The following GRID2 variants were observed in gnomAD, a reference collection of about 807,000 sequenced individuals.
GRID2 encodes glutamate ionotropic receptor delta type subunit 2, also known as glutamate receptor ionotropic, delta-2.
A neutral mutation model predicts 114.8 loss-of-function variants in GRID2; 33 were observed. That is an observed-to-expected ratio of 0.29 (90% CI 0.22 to 0.38). The LOEUF is 0.38. Ranked by LOEUF, GRID2 falls within the 10% of genes least tolerant of loss-of-function variation. The pLI, the probability that GRID2 is intolerant of heterozygous loss-of-function variation, is 1.00. For synonymous variants in GRID2, 505 were observed against 449.9 expected (o/e 1.12, Z -1.55); for missense variants, 1,184 against 1,257.7 (o/e 0.94, Z 0.89).
chr4:92,450,446 AG>A (rs1241682891), intron 1 of GRID2, among the ~76,000 whole-genome samples: 1 of 152,130 alleles, frequency 6.6e-6, no homozygotes, highest in Non-Finnish European at 1.5e-5. Context: ...AAGGCAAAAA[AG>A]GTCCATTTTT....
intron 2 of GRID2, among the ~76,000 whole-genome samples, chr4:92,973,457 T>C (rs1753653412): frequency 6.6e-6 from 1 of 152,176 alleles, no homozygotes; most frequent in African/African-American, 2.4e-5. Flanking sequence ...AACTCATAAG[T>C]CAGTATTGCT....
chr4:93,086,037 C>T (rs1417025425), intron 3 of GRID2, among the ~76,000 whole-genome samples: 7 of 152,018 alleles, frequency 4.6e-5, no homozygotes, highest in Non-Finnish European at 8.8e-5. Flanking sequence ...ACTGACCGAT[C>T]CCCAATATCT....
At chr4:93,390,024 G>A (rs1048274840) in intron 8 of GRID2, among the ~76,000 whole-genome samples, 3 of 152,046 alleles carry the variant, frequency 2.0e-5, no homozygotes, top group African/African-American at 7.2e-5. Flanking sequence ...CCTGACCTTA[G>A]GTGATCTACC....
At chr4:93,301,921 G>C (rs1196400306) in intron 8 of GRID2, among the ~76,000 whole-genome samples, 1 of 152,072 alleles carries the variant, frequency 6.6e-6, no homozygotes, top group East Asian at 1.9e-4. Context: ...CAAATTTCTT[G>C]AGAGCCACCT....
In GRID2 at chr4:92,887,111, T is replaced by C. The variant is rs1427691059; in HGVS notation, c.245-197884T>C. ...ACAGTACTGTTAATATGGTGTTTTG[T>C]TTTTTTGTTCATATTGTTATCATTA... is the stretch of plus-strand genomic sequence containing the variant. On this transcript the variant is annotated intron_variant, in intron 2 of 15. Coordinates refer to ENST00000282020, the MANE Select transcript of GRID2 (RefSeq NM_001510.4). Among the ~76,000 whole-genome samples, 4 of 152,196 alleles carry C rather than the reference T, an allele frequency of 2.6e-5. No homozygotes were observed. The East Asian group carries it at 7.7e-4, about 29-fold the overall frequency.
intron 11 of GRID2, among the ~76,000 whole-genome samples, chr4:93,466,948 A>C (rs1724337188): frequency 6.6e-6 from 1 of 152,222 alleles, no homozygotes; most frequent in South Asian, 2.1e-4. Flanking sequence ...GTTTCATTGT[A>C]AACTTAAATG....
intron 12 of GRID2, 122 bp downstream of exon 12, chr4:93,490,899 T>G (rs1026098169): frequency 3.1e-6 from 2 of 651,656 alleles, no homozygotes; most frequent in Non-Finnish European, 5.2e-6. Context: ...GAGTAAAGGA[T>G]CAATTTTGTG....
chr4:93,406,446 T>A (rs1195704347), intron 9 of GRID2, among the ~76,000 whole-genome samples: 1 of 152,148 alleles, frequency 6.6e-6, no homozygotes, highest in South Asian at 2.1e-4. Context: ...TTTTGAGATA[T>A]GTTGTAAATT....
chr4:92,717,132 A>C (rs529530896), intron 2 of GRID2, among the ~76,000 whole-genome samples: 1 of 152,266 alleles, frequency 6.6e-6, no homozygotes, highest in African/African-American at 2.4e-5. Flanking sequence ...AGGGGAGGGT[A>C]AAGAGAGGCA....
intron 2 of GRID2, among the ~76,000 whole-genome samples, chr4:93,074,191 A>G (rs1001027160): frequency 1.3e-5 from 2 of 152,234 alleles, no homozygotes; most frequent in Non-Finnish European, 2.9e-5. Context: ...ACACATATCC[A>G]TATCAATTCC....
rs970219243 is a variant in GRID2, at chr4:93,128,041, A to C, written c.735+17088A>C. On this transcript the variant is annotated intron_variant, in intron 4 of 15. Coordinates refer to ENST00000282020, the MANE Select transcript of GRID2 (RefSeq NM_001510.4). ...GTCCCCCGCAACAAAAAAAAAAAAA[A>C]AAAAAAAAAAAAAAAAAACAACAGT... Among the ~76,000 whole-genome samples the C allele has an allele frequency of 3.5e-5, 5 of 142,706 alleles. 1 individual carries two copies. The highest frequency in any genetic ancestry group is 1.1e-4 in the African/African-American group (4 of 37,064). The allele number at this position is 142,706 out of a possible 152,430, so 93.6% of individuals were successfully genotyped here.
At chr4:93,370,425 ACACGCACACACAGG>A (rs1211697020) in intron 8 of GRID2, among the ~76,000 whole-genome samples, 1 of 148,690 alleles carries the variant, frequency 6.7e-6, no homozygotes, top group African/African-American at 2.5e-5. Flanking sequence ...ACACACACAA[ACACGCACACACAGG>A]CACACACACA....
At chr4:93,466,268 AT>A (rs1340437008) in intron 11 of GRID2, among the ~76,000 whole-genome samples, 7 of 152,094 alleles carry the variant, frequency 4.6e-5, no homozygotes, top group Non-Finnish European at 8.8e-5. Flanking sequence ...TTCATTTTTT[AT>A]TTTGATATTC....
chr4:93,365,777 G>T (rs1316291821), intron 8 of GRID2, among the ~76,000 whole-genome samples: 1 of 152,170 alleles, frequency 6.6e-6, no homozygotes, highest in Non-Finnish European at 1.5e-5. Context: ...AGGAAATATT[G>T]TTGCGGGAAG....
intron 1 of GRID2, among the ~76,000 whole-genome samples, chr4:92,349,314 A>G (rs895145525): frequency 6.6e-6 from 1 of 151,968 alleles, no homozygotes; most frequent in African/African-American, 2.4e-5. Context: ...ATACTATCAC[A>G]AAATAATTGA....
At chr4:92,530,735 T>TA (rs143078058) in intron 1 of GRID2, among the ~76,000 whole-genome samples, 6,919 of 126,436 alleles carry the variant, frequency 0.055, 205 homozygotes, top group Middle Eastern at 0.097. Flanking sequence ...CCCCCTCTAC[T>TA]AAAAAAAAAA....
chr4:93,050,438 A>G (rs923067431), intron 2 of GRID2, among the ~76,000 whole-genome samples: 1 of 151,910 alleles, frequency 6.6e-6, no homozygotes, highest in African/African-American at 2.4e-5. Context: ...CTGCTGAAAG[A>G]GAGCACTGAG....
chr4:92,441,375 G>A (rs574474102), intron 1 of GRID2, among the ~76,000 whole-genome samples: 12 of 152,240 alleles, frequency 7.9e-5, no homozygotes, highest in African/African-American at 2.9e-4. Flanking sequence ...CTTGATGGGT[G>A]TCAGGGTCAG....
intron 1 of GRID2, among the ~76,000 whole-genome samples, chr4:92,411,655 G>GTGTGTGTGTATA: frequency 9.4e-5 from 8 of 84,722 alleles, no homozygotes; most frequent in African/African-American, 4.7e-4. Flanking sequence ...GTGTGTGTGT[G>GTGTGTGTGTATA]TATATATATA....
Sources: allele counts gnomAD v4.1 joint callset (sites outside exome capture counted in the v4.1 genomes callset), GRCh38; gene constraint gnomAD v4.1.1; transcripts MANE v1.5; gene names NCBI Gene and HGNC (gene_info 2026-07-23, HGNC 2026-07-21).